Variants in TBC1D31 observed in about 807,000 individuals in gnomAD.
TBC1D31 encodes the protein TBC1 domain family member 31.
In TBC1D31, 99 loss-of-function variants were observed where a neutral mutation model predicts 132.9. The ratio of observed to expected loss-of-function variants is 0.74; its 90% CI spans 0.63 to 0.88. The LOEUF is 0.88. TBC1D31 is among the 40% of genes least tolerant of loss of function. TBC1D31 has a pLI of 0.00. For synonymous variants in TBC1D31, 385 were observed against 419.4 expected (o/e 0.92, Z 1.00); for missense variants, 1,134 against 1,256.6 (o/e 0.90, Z 1.48).
intron 4 of TBC1D31, among the ~76,000 whole-genome samples, chr8:123,086,494 A>T (rs989702907): frequency 2.0e-5 from 3 of 152,068 alleles, no homozygotes; most frequent in African/African-American, 7.2e-5. Context: ...AGGCCTCCCA[A>T]ATCCTGGGAT....
intron 10 of TBC1D31, among the ~76,000 whole-genome samples, chr8:123,113,248 A>C (rs528376753): frequency 1.3e-5 from 2 of 152,330 alleles, no homozygotes; most frequent in African/African-American, 4.8e-5. Context: ...TCCGTATCCT[A>C]GGATTTTAGA....
At position 123,129,066 on chromosome 8, in the gene TBC1D31, G is replaced by T; in HGVS notation, c.2118G>T (p.Arg706Ser). ...RNDELDYLRERQTVEDMQAKV... is the reference protein window; with the variant it reads ...RNDELDYLRESQTVEDMQAKV... ...TTCATAATAATATTACCTACTTAAGGCAGACAGTTGAAGATATGCAAGCTA... is the reference window on the plus strand; with the variant it reads ...TTCATAATAATATTACCTACTTAAGTCAGACAGTTGAAGATATGCAAGCTA... The change falls in exon 15 of 22, where the codon AGG becomes AGT. Residue 706 changes from arginine (R) to serine (S), a missense_variant and splice_region_variant. Coordinates refer to ENST00000287380, the MANE Select transcript of TBC1D31 (RefSeq NM_145647.4). 1 of 1,568,554 alleles carries T rather than the reference G, an allele frequency of 6.4e-7. No individual in the cohort carries two copies. Among genetic ancestry groups the T allele is most frequent in the Non-Finnish European group, 8.7e-7 (1 of 1,153,022 alleles).
Position 123,128,337 on chromosome 8 carries a change from T to C in TBC1D31, c.1941T>C (p.Tyr647=). The change falls in exon 14 of 22, where the codon TAT becomes TAC. Residue 647 remains tyrosine (Y), a synonymous_variant. Transcript: ENST00000287380. ...LDINVVIRQV[Y]HLMETTPTDI... is the part of the protein sequence containing the mutation. The stretch of plus-strand genomic sequence containing the variant: ...TAAATGTTGTGATTAGACAAGTTTA[T>C]CATCTCATGGAGACCACGCCTACTG... 1 of 1,613,712 alleles carries C rather than the reference T, an allele frequency of 6.2e-7. No individual in the cohort carries two copies. The highest frequency in any genetic ancestry group is 8.5e-7 in the Non-Finnish European group (1 of 1,179,668).
downstream of TBC1D31, among the ~76,000 whole-genome samples, chr8:123,157,102 T>C (rs1586759377): frequency 6.6e-6 from 1 of 152,204 alleles, no homozygotes; most frequent in Non-Finnish European, 1.5e-5. Flanking sequence ...GGGGTACTTA[T>C]CAGGTTCACC....
At chr8:123,113,240 C>A (rs1338585569) in intron 10 of TBC1D31, among the ~76,000 whole-genome samples, 1 of 152,116 alleles carries the variant, frequency 6.6e-6, no homozygotes, top group African/African-American at 2.4e-5. Context: ...ATAATTTTTC[C>A]GTATCCTAGG....
downstream of TBC1D31, among the ~76,000 whole-genome samples, chr8:123,154,769 A>G (rs900713236): frequency 1.3e-5 from 2 of 152,190 alleles, no homozygotes; most frequent in African/African-American, 4.8e-5. Context: ...TCATAAGGCA[A>G]TTGTGCACAC....
chr8:123,098,350 G>A (rs901846206), intron 6 of TBC1D31, among the ~76,000 whole-genome samples: 11 of 152,122 alleles, frequency 7.2e-5, no homozygotes, highest in Non-Finnish European at 1.3e-4. Context: ...CTCCCAGGCT[G>A]GAGTGCAGTG....
rs763287568 is a variant in TBC1D31, at chr8:123,109,630, A to G, written c.1436+10A>G. On this transcript the variant is annotated intron_variant, in intron 10 of 21. Coordinates refer to ENST00000287380, the MANE Select transcript of TBC1D31 (RefSeq NM_145647.4). Reference sequence around the variant, plus strand: ...TCAGAGTATTACAGAGGTATGTTCTATATATTGCAGCAATGTGTATGAGAC... The same window carrying G: ...TCAGAGTATTACAGAGGTATGTTCTGTATATTGCAGCAATGTGTATGAGAC... The G allele has an allele frequency of 3.1e-5, 49 of 1,592,778 alleles. No homozygotes were observed. The highest frequency in any genetic ancestry group is 4.5e-5 in the East Asian group (2 of 44,710).
At chr8:123,154,556 T>TA (rs568435671), downstream of TBC1D31, among the ~76,000 whole-genome samples, 57 of 152,166 alleles carry the variant, frequency 3.7e-4, no homozygotes, top group African/African-American at 1.3e-3. Flanking sequence ...AGGCAGGGCA[T>TA]AAGGACCCCG....
chr8:123,093,525 T>C (rs1816551337), intron 4 of TBC1D31, 66 bp from the exon 5 acceptor site: 1 of 1,133,388 alleles, frequency 8.8e-7, no homozygotes, highest in African/African-American at 1.5e-5. Flanking sequence ...ACTACTTGTA[T>C]AATTTTAAAT....
chr8:123,093,571 C>T lies in TBC1D31; in HGVS notation c.520-20C>T. 6.4e-7 allele frequency: 1 copy of T among 1,559,034 alleles called. No homozygotes were observed. Among genetic ancestry groups the T allele is most frequent in the Non-Finnish European group, 8.7e-7 (1 of 1,144,754 alleles). ...TATGTGAACCTTATGTGAAAACTAACTTTCTCTATTCCTCCTTAGGTTTTC... is the reference window on the plus strand; with the variant it reads ...TATGTGAACCTTATGTGAAAACTAATTTTCTCTATTCCTCCTTAGGTTTTC... On this transcript the variant is annotated intron_variant, in intron 4 of 21. Transcript: ENST00000287380.
In TBC1D31 at chr8:123,100,807, G is replaced by A. The variant is rs930284209; in HGVS notation, c.832G>A (p.Val278Ile). ...PDSFDAGSNQ[V>I]LGVLSQDGIM... ...GGAATTTATATTTTTTCTCTCTTAG[G>A]TTCTTGGAGTACTAAGTCAAGATGG... is the stretch of plus-strand genomic sequence containing the variant. Residue 278 changes from valine (V) to isoleucine (I), a missense_variant and splice_region_variant, in exon 7 of 22, where the codon GTT becomes ATT. Transcript: ENST00000287380. The A allele has an allele frequency of 1.2e-6, 2 of 1,609,740 alleles. No homozygotes were observed. The highest frequency in any genetic ancestry group is 1.7e-5 in the Admixed American group (1 of 59,936).
At chr8:123,140,734 A>G (rs1440698374) in intron 17 of TBC1D31, 27 bp from the exon 18 acceptor site, 1 of 1,548,336 alleles carries the variant, frequency 6.5e-7, no homozygotes, top group Non-Finnish European at 8.8e-7. Flanking sequence ...TAAATTAGTG[A>G]TTTTTTTTTA....
chr8:123,120,203 G>A lies in TBC1D31; in HGVS notation c.1570+15G>A. On this transcript the variant is annotated intron_variant, in intron 11 of 21. Transcript: ENST00000287380. ...TACTCTCATAAGTAAGTAAATACTT[G>A]TTAAAGTATAAGATCAAGAATGGAT... 1 of 1,578,566 alleles carries A rather than the reference G, an allele frequency of 6.3e-7. No individual in the cohort carries two copies. Among genetic ancestry groups the A allele is most frequent in the South Asian group, 1.2e-5 (1 of 86,198 alleles).
chr8:123,127,524 C>T (rs1215517554), intron 13 of TBC1D31, among the ~76,000 whole-genome samples: 1 of 151,940 alleles, frequency 6.6e-6, no homozygotes, highest in East Asian at 1.9e-4. Flanking sequence ...CCACCTGCCT[C>T]GGCCTCCCAA....
intron 14 of TBC1D31, 146 bp downstream of exon 14, chr8:123,128,659 A>G (rs757924386): frequency 3.8e-5 from 24 of 628,940 alleles, no homozygotes; most frequent in Non-Finnish European, 6.3e-5. Context: ...GGTAGATCAC[A>G]AGGTCAGGAG....
chr8:123,153,610 G>T (rs10481150), downstream of TBC1D31, among the ~76,000 whole-genome samples: 48,203 of 152,040 alleles, frequency 0.32, 8,071 homozygotes, highest in Admixed American at 0.4. Flanking sequence ...ATATGTGCTT[G>T]GTTGACATTG....
Position 123,142,300 on chromosome 8 carries a change from C to T in TBC1D31, c.2679C>T (p.Cys893=). ...ATTTGGCAAAGGCTGAACAAGCATG[C>T]CTAAATACCGACTGGCAGATTCAGT... ...KENLAKAEQA[C]LNTDWQIQSL... The change falls in exon 19 of 22, where the codon TGC becomes TGT. Residue 893 remains cysteine (C), a synonymous_variant. Coordinates refer to ENST00000287380, the MANE Select transcript of TBC1D31 (RefSeq NM_145647.4). 1 of 1,595,000 alleles carries T rather than the reference C, an allele frequency of 6.3e-7. No homozygotes were observed. The highest frequency in any genetic ancestry group is 8.5e-7 in the Non-Finnish European group (1 of 1,173,836).
chr8:123,119,857 T>C (rs906224988), intron 10 of TBC1D31, among the ~76,000 whole-genome samples, 198 bp from the exon 11 acceptor site: 2 of 152,236 alleles, frequency 1.3e-5, no homozygotes, highest in Non-Finnish European at 2.9e-5. Context: ...TACAGAACAA[T>C]TTTTATAATA....
Sources: gnomAD v4.1 joint callset for allele counts (sites outside exome capture counted in the v4.1 genomes callset) on GRCh38, gnomAD v4.1.1 for gene constraint, MANE v1.5 for transcripts, NCBI Gene and HGNC (gene_info 2026-07-23, HGNC 2026-07-21) for gene names.